The following DISC1 variants were observed in gnomAD, a reference collection of about 807,000 sequenced individuals.
DISC1 encodes the protein DISC1 scaffold protein.
DISC1 carries 57 observed loss-of-function variants against 84.5 expected under a neutral mutation model. The ratio of observed to expected loss-of-function variants is 0.67; its 90% CI spans 0.55 to 0.84. The LOEUF is 0.84. DISC1 is among the 40% of genes least tolerant of loss of function. The pLI is 0.00. For synonymous variants in DISC1, 411 were observed against 415.2 expected (o/e 0.99, Z 0.12); for missense variants, 1,000 against 1,057.8 (o/e 0.95, Z 0.76).
rs1002508908 is a variant in DISC1 at position 231,897,029 on chromosome 1, C to T, written c.1982-61799C>T. ...ATCTAGAAACATACATGATCAGACA[C>T]GTGAACCCACGGGGCCAACACCACA... On this transcript the variant is annotated intron_variant, in intron 9 of 12. Coordinates refer to ENST00000439617, the MANE Select transcript of DISC1 (RefSeq NM_018662.3). This position sits in a 1 kb window ranked among gnomAD's most constrained non-coding sequence, Gnocchi z 4.5. Among the ~76,000 whole-genome samples the T allele has an allele frequency of 3.9e-5, 6 of 152,098 alleles. No individual in the cohort carries two copies. Among genetic ancestry groups the T allele is most frequent in the Admixed American group, 1.3e-4 (2 of 15,256 alleles).
intron 3 of DISC1, among the ~76,000 whole-genome samples, chr1:231,737,045 A>G (rs1199321480): frequency 6.6e-6 from 1 of 152,240 alleles, no homozygotes; most frequent in African/African-American, 2.4e-5. Flanking sequence ...AGAGTCACTT[A>G]TTACTGATGT....
At position 231,954,837 on chromosome 1, in the gene DISC1, T is replaced by C. The variant is rs1471002062; in HGVS notation, c.1982-3991T>C. Among the ~76,000 whole-genome samples, 1 of 152,226 alleles carries C rather than the reference T, an allele frequency of 6.6e-6. No homozygotes were observed. The highest frequency in any genetic ancestry group is 1.5e-5 in the Non-Finnish European group (1 of 68,038). On this transcript the variant is annotated intron_variant, in intron 9 of 12. Transcript: ENST00000439617. The surrounding 1 kb of genome is among the most constrained non-coding windows in gnomAD (Gnocchi z 4.8). ...TCTTGAAGGTTGTGAGTCAACTTAG[T>C]GAATACATGCAAGGTACTTTTAGGC...
intron 12 of DISC1, among the ~76,000 whole-genome samples, chr1:232,027,315 T>C (rs1669572786): frequency 6.6e-6 from 1 of 152,216 alleles, no homozygotes; most frequent in African/African-American, 2.4e-5. Flanking sequence ...TTTAGATTAT[T>C]TCCTTTCAAC....
At chr1:231,704,044 A>C (rs180964978) in intron 3 of DISC1, among the ~76,000 whole-genome samples, 3 of 152,340 alleles carry the variant, frequency 2.0e-5, no homozygotes, top group African/African-American at 7.2e-5. Context: ...TGGTAGGCAC[A>C]GGACACACGA....
chr1:231,900,622 G>T (rs1219100419), intron 9 of DISC1, among the ~76,000 whole-genome samples: 2 of 152,170 alleles, frequency 1.3e-5, no homozygotes, highest in East Asian at 3.8e-4. Flanking sequence ...CTTAGGAAGA[G>T]AATCAATGGC....
intron 9 of DISC1, among the ~76,000 whole-genome samples, chr1:231,845,440 G>T (rs1408649446): frequency 3.3e-5 from 5 of 152,156 alleles, no homozygotes; most frequent in Non-Finnish European, 7.3e-5. Context: ...GTCTGCTGTG[G>T]TGCCTTGAAG....
chr1:231,711,452 C>T (rs531053796), intron 3 of DISC1, among the ~76,000 whole-genome samples: 11 of 151,118 alleles, frequency 7.3e-5, no homozygotes, highest in Non-Finnish European at 1.0e-4. Context: ...CTCCGCCTCC[C>T]GGGTTCATGC....
Position 231,694,289 on chromosome 1 carries a change from G to T in DISC1, c.531G>T (p.Leu177=). ...GARRVRAAGS[L]PSAELSSNSC... is the part of the protein sequence containing the mutation. ...GGCGTGTCCGGGCAGCAGGCTCTCT[G>T]CCATCAGCAGAGTTGAGTAGCAACA... The change falls in exon 2 of 13, where the codon CTG becomes CTT. Residue 177 remains leucine, a synonymous_variant. Coordinates refer to ENST00000439617, the MANE Select transcript of DISC1 (RefSeq NM_018662.3). 1.2e-6 allele frequency: 2 copies of T among 1,614,236 alleles called. No individual in the cohort carries two copies. Among genetic ancestry groups the T allele is most frequent in the African/African-American group, 1.3e-5 (1 of 75,068 alleles).
At position 231,985,885 on chromosome 1, in the gene DISC1, G is replaced by A. The variant is rs180812473; in HGVS notation, c.2043-22900G>A. ...TGTTTGGTTTCAGTGTAGAATAGGA[G>A]ATTGTGTTTCCCAGGTAGAAAAGGA... On this transcript the variant is annotated intron_variant, in intron 10 of 12. Transcript: ENST00000439617. 2.0e-3 allele frequency among the ~76,000 whole-genome samples: 311 copies of A among 152,288 alleles called. 2 individuals are homozygous for A. The highest frequency in any genetic ancestry group is 7.3e-3 in the African/African-American group (305 of 41,550).
At chr1:231,765,058 C>T (rs915455731) in intron 4 of DISC1, among the ~76,000 whole-genome samples, 2 of 152,012 alleles carry the variant, frequency 1.3e-5, no homozygotes, top group East Asian at 1.9e-4. Context: ...GCTGTGGTGG[C>T]GCGTGCCTGT....
At chr1:231,735,340 T>C (rs976171734) in intron 3 of DISC1, among the ~76,000 whole-genome samples, 1 of 152,226 alleles carries the variant, frequency 6.6e-6, no homozygotes, top group Non-Finnish European at 1.5e-5. Context: ...TCCCCTAGAA[T>C]TGGATCTGAG....
chr1:231,729,256 GT>G (rs1358408840), intron 3 of DISC1, among the ~76,000 whole-genome samples: 1 of 152,188 alleles, frequency 6.6e-6, no homozygotes, highest in Admixed American at 6.5e-5. Context: ...GGACATTTGG[GT>G]TGGTTCCAAG....
chr1:231,722,796 G>A, intron 3 of DISC1: 1 of 1,451,858 alleles, frequency 6.9e-7, no homozygotes, highest in South Asian at 1.5e-5. Context: ...CTGGCCATGG[G>A]CTTGAAAAAA....
At chr1:231,819,228 A>G (rs1283776136) in intron 9 of DISC1, 3 of 770,304 alleles carry the variant, frequency 3.9e-6, no homozygotes, top group Middle Eastern at 7.5e-4. Flanking sequence ...ATATATATGA[A>G]TAAATGGCTA....
At chr1:231,733,559 C>G (rs62643973) in intron 3 of DISC1, among the ~76,000 whole-genome samples, 1 of 134,320 alleles carries the variant, frequency 7.4e-6, no homozygotes, top group African/African-American at 2.9e-5. Context: ...GTGGTAGTGG[C>G]TGTGGCAGTG....
At chr1:231,993,178 A>G (rs990359366) in intron 10 of DISC1, among the ~76,000 whole-genome samples, 1 of 152,074 alleles carries the variant, frequency 6.6e-6, no homozygotes, top group African/African-American at 2.4e-5. Context: ...CATAAGAAGT[A>G]TGCATCTGTA....
chr1:231,686,205 C>T (rs1346357879), intron 1 of DISC1, among the ~76,000 whole-genome samples: 1 of 152,226 alleles, frequency 6.6e-6, no homozygotes, highest in Non-Finnish European at 1.5e-5. Context: ...TGGCCCTCTT[C>T]TCACAGCTCC....
chr1:231,696,396 C>T (rs2065708782), intron 2 of DISC1, among the ~76,000 whole-genome samples: 1 of 152,190 alleles, frequency 6.6e-6, no homozygotes, highest in African/African-American at 2.4e-5. Flanking sequence ...GAAATAGCTC[C>T]AATTTAGAGA....
chr1:231,728,276 T>G (rs1207516467), intron 3 of DISC1, among the ~76,000 whole-genome samples: 1 of 152,234 alleles, frequency 6.6e-6, no homozygotes, highest in Non-Finnish European at 1.5e-5. Flanking sequence ...TTAAAGTGTC[T>G]AAAGAGAATG....
Sources: gnomAD v4.1 joint callset for allele counts (sites outside exome capture counted in the v4.1 genomes callset) on GRCh38, gnomAD v4.1.1 for gene constraint, Gnocchi (gnomAD v3.1) non-coding constraint, MANE v1.5 for transcripts, NCBI Gene and HGNC (gene_info 2026-07-23, HGNC 2026-07-21) for gene names.